GRIK1: variants seen among roughly 807,000 people sequenced by gnomAD.
The protein encoded by GRIK1 is glutamate receptor ionotropic, kainate 1.
Under a neutral mutation model 105.7 loss-of-function variants are expected in GRIK1, and 69 were observed. The observed-to-expected ratio is 0.65, with a 90% CI of 0.54 to 0.80. GRIK1 has a LOEUF of 0.80. Among genes scored for constraint, GRIK1 ranks in the 30% least tolerant of loss-of-function variants. The pLI, the probability that GRIK1 is intolerant of heterozygous loss-of-function variation, is 0.00. For missense variants in GRIK1, 1,109 were observed against 1,167.3 expected (o/e 0.95, Z 0.73); for synonymous variants, 438 against 431.3 (o/e 1.02, Z -0.19).
At chr21:29,680,466 C>T (rs1461194332) in intron 3 of GRIK1, among the ~76,000 whole-genome samples, 1 of 152,174 alleles carries the variant, frequency 6.6e-6, no homozygotes, top group Non-Finnish European at 1.5e-5. Context: ...GGCAGGTTGC[C>T]ATATTTCTAC....
chr21:29,719,874 G>T lies in GRIK1; in HGVS notation c.119-25811C>A, dbSNP rs570951261. ...CCTCTCCCCTTTATTAAAGGAAAAA[G>T]ACTATTTATCTTGATTCACTTACAT... On this transcript the variant is annotated intron_variant, in intron 1 of 17. Coordinates refer to ENST00000327783, the MANE Select transcript of GRIK1 (RefSeq NM_001330994.2). Among the ~76,000 whole-genome samples the T allele has an allele frequency of 4.6e-5, 7 of 152,246 alleles. No homozygotes were observed. The South Asian group carries it at 1.5e-3, about 32-fold the overall frequency.
chr21:29,747,960 A>G (rs1272463433), intron 1 of GRIK1, among the ~76,000 whole-genome samples: 2 of 152,228 alleles, frequency 1.3e-5, no homozygotes, highest in Non-Finnish European at 2.9e-5. Flanking sequence ...CTCCCTTAGA[A>G]TTTAAACATG....
intron 1 of GRIK1, among the ~76,000 whole-genome samples, chr21:29,801,206 C>T (rs1214082881): frequency 6.6e-6 from 1 of 151,786 alleles, no homozygotes; most frequent in Non-Finnish European, 1.5e-5. Context: ...CTCCCATACA[C>T]GCAGGCTATT....
intron 1 of GRIK1, among the ~76,000 whole-genome samples, chr21:29,874,364 C>G (rs1393088828): frequency 6.6e-6 from 1 of 152,178 alleles, no homozygotes; most frequent in Non-Finnish European, 1.5e-5. Flanking sequence ...CCCATAATGA[C>G]TTAGATAAGG....
chr21:29,766,487 C>T (rs2145717625), intron 1 of GRIK1, among the ~76,000 whole-genome samples: 1 of 152,262 alleles, frequency 6.6e-6, no homozygotes, highest in East Asian at 1.9e-4. Context: ...ACTCCCATCT[C>T]TTCAAGCCAG....
chr21:29,889,029 G>T (rs1040164667), intron 1 of GRIK1, among the ~76,000 whole-genome samples: 1 of 152,150 alleles, frequency 6.6e-6, no homozygotes, highest in African/African-American at 2.4e-5. Context: ...TGAGGAAGTT[G>T]ACTTCTCAAG....
At chr21:29,659,114 C>T (rs2062911680) in intron 4 of GRIK1, among the ~76,000 whole-genome samples, 1 of 152,072 alleles carries the variant, frequency 6.6e-6, no homozygotes, top group African/African-American at 2.4e-5. Flanking sequence ...TTTTTGTTAT[C>T]TAGTTTTCTC....
In GRIK1 at chr21:29,676,257, G is replaced by A. The variant is rs2063264796; in HGVS notation, c.545-3093C>T. ...GTAAACTGGCTTCAGAAAGGGGGAG[G>A]ATCAGCAGATTTAAAGATTAGGGAT... On this transcript the variant is annotated intron_variant, in intron 3 of 17. Transcript: ENST00000327783. Among the ~76,000 whole-genome samples, 8 of 152,162 alleles carry A rather than the reference G, an allele frequency of 5.3e-5. No homozygotes were observed. In the South Asian group the frequency reaches 1.7e-3, roughly 32 times the overall value.
At chr21:29,896,690 T>A (rs1051677088) in intron 1 of GRIK1, among the ~76,000 whole-genome samples, 1 of 152,232 alleles carries the variant, frequency 6.6e-6, no homozygotes, top group African/African-American at 2.4e-5. Flanking sequence ...ATCTTATGAC[T>A]TCTACTACAG....
intron 1 of GRIK1, among the ~76,000 whole-genome samples, chr21:29,827,693 T>G (rs1447748862): frequency 6.6e-6 from 1 of 152,072 alleles, no homozygotes; most frequent in Non-Finnish European, 1.5e-5. Context: ...AAAATGTGTC[T>G]GGTAGAAAGG....
intron 1 of GRIK1, among the ~76,000 whole-genome samples, chr21:29,850,573 G>A (rs868273573): frequency 1.3e-5 from 2 of 152,132 alleles, no homozygotes; most frequent in African/African-American, 4.8e-5. Flanking sequence ...TAAGGTGGTC[G>A]CAGATGCCAC....
At chr21:29,815,848 T>C (rs2067142355) in intron 1 of GRIK1, among the ~76,000 whole-genome samples, 1 of 152,018 alleles carries the variant, frequency 6.6e-6, no homozygotes, top group African/African-American at 2.4e-5. Flanking sequence ...ATAAAACTAC[T>C]AGAAGAAAAC....
intron 1 of GRIK1, among the ~76,000 whole-genome samples, chr21:29,725,845 G>A (rs796939366): frequency 1.8e-4 from 28 of 152,238 alleles, no homozygotes; most frequent in East Asian, 1.7e-3. Flanking sequence ...TTTTCTCTCC[G>A]CAATAAATGA....
At chr21:29,711,418 C>A (rs2064045921) in intron 1 of GRIK1, among the ~76,000 whole-genome samples, 1 of 151,864 alleles carries the variant, frequency 6.6e-6, no homozygotes, top group Non-Finnish European at 1.5e-5. Flanking sequence ...GACAAAATTG[C>A]CTAAGAATGC....
At chr21:29,706,977 G>A (rs867618433) in intron 1 of GRIK1, among the ~76,000 whole-genome samples, 4 of 152,062 alleles carry the variant, frequency 2.6e-5, no homozygotes, top group Non-Finnish European at 5.9e-5. Context: ...CCATTCTCCT[G>A]CCTCGGCCTC....
chr21:29,779,154 A>G (rs1255713467), intron 1 of GRIK1, among the ~76,000 whole-genome samples: 1 of 152,244 alleles, frequency 6.6e-6, no homozygotes, highest in Non-Finnish European at 1.5e-5. Flanking sequence ...ATTCATTGAG[A>G]ATTACTTTTA....
chr21:29,714,066 C>G (rs1447994066), intron 1 of GRIK1, among the ~76,000 whole-genome samples: 3 of 152,136 alleles, frequency 2.0e-5, no homozygotes, highest in Non-Finnish European at 4.4e-5. Flanking sequence ...GGAAATAGCT[C>G]AGAGATTTTC....
At chr21:29,676,889 A>G (rs1337743213) in intron 3 of GRIK1, among the ~76,000 whole-genome samples, 1 of 152,212 alleles carries the variant, frequency 6.6e-6, no homozygotes, top group South Asian at 2.1e-4. Context: ...TGGGACAACT[A>G]GCAAACATAT....
chr21:29,866,157 C>A (rs1324764426), intron 1 of GRIK1, among the ~76,000 whole-genome samples: 1 of 152,118 alleles, frequency 6.6e-6, no homozygotes, highest in African/African-American at 2.4e-5. Context: ...ACCTCAACCT[C>A]CCAGGTTCAA....
Sources: gnomAD v4.1 joint callset for allele counts (sites outside exome capture counted in the v4.1 genomes callset) on GRCh38, gnomAD v4.1.1 for gene constraint, MANE v1.5 for transcripts, NCBI Gene and HGNC (gene_info 2026-07-23, HGNC 2026-07-21) for gene names.